BSND: variants seen among roughly 807,000 people sequenced by gnomAD.
The protein encoded by BSND is barttin CLCNK type accessory subunit beta.
Under a neutral mutation model 18.8 loss-of-function variants are expected in BSND, and 13 were observed. The observed-to-expected ratio is 0.69, with a 90% CI of 0.45 to 1.10. The LOEUF (loss-of-function observed/expected upper bound fraction) is 1.10, where lower values mean the gene tolerates loss of function less well. Ranked by LOEUF, BSND falls within the 50% of genes least tolerant of loss-of-function variation. BSND has a pLI of 0.00. For missense variants in BSND, 379 were observed against 416.7 expected, an observed-to-expected ratio of 0.91 and a Z score of 0.79; for synonymous variants, 170 against 161.8, an observed-to-expected ratio of 1.05 and a Z score of -0.39.
intron 1 of BSND, among the ~76,000 whole-genome samples, chr1:55,001,177 C>T (rs1311064630): frequency 6.7e-6 from 1 of 149,790 alleles, no homozygotes; most frequent in Non-Finnish European, 1.5e-5. Context: ...CCTTGTACGG[C>T]TGATTGGGAG....
rs1644429481 is a variant in BSND, at chr1:55,012,871, G to T, written c.*4243G>T. Among the ~76,000 whole-genome samples, 1 of 152,190 alleles carries T rather than the reference G, an allele frequency of 6.6e-6. No homozygotes were observed. Among genetic ancestry groups the T allele is most frequent in the African/African-American group, 2.4e-5 (1 of 41,442 alleles). On this transcript the variant is annotated 3_prime_UTR_variant, in exon 4 of 4. Transcript: ENST00000651561. Reference sequence around the variant, plus strand: ...GGAAGCTTGGAGGAGGAGCAGGATTGCTTGTGCTGTCAGACAGGTGTCAAA... The same window carrying T: ...GGAAGCTTGGAGGAGGAGCAGGATTTCTTGTGCTGTCAGACAGGTGTCAAA...
chr1:55,005,137 G>A, intron 2 of BSND, 21 bp downstream of exon 2: 1 of 1,611,420 alleles, frequency 6.2e-7, no homozygotes, highest in Non-Finnish European at 8.5e-7. Flanking sequence ...GGCCCTCTCG[G>A]GAGGGGAGGA....
rs1644346908 is a variant in BSND at position 54,999,047 on chromosome 1, G to C, written c.-140G>C. ...CAGGGACTGGAGCGGGATTGAAAGG[G>C]ATCTTGCTCTCCCTTGAAGCCTTGA... On this transcript the variant is annotated 5_prime_UTR_variant, in exon 1 of 4. Transcript: ENST00000651561. 3 of 1,037,704 alleles carry C rather than the reference G, an allele frequency of 2.9e-6. No homozygotes were observed. The highest frequency in any genetic ancestry group is 4.3e-6 in the Non-Finnish European group (3 of 704,828). The allele number at this position is 1,037,704 out of a possible 1,614,324, so 64.3% of individuals were successfully genotyped here. A position where few individuals can be genotyped will look rare whatever the true frequency, so the allele number is the denominator to read the frequency against.
rs1328882190 is a variant in BSND at position 54,999,197 on chromosome 1, A to C, written c.11A>C (p.Glu4Ala). The change falls in exon 1 of 4, where the codon GAG (glutamate) becomes GCG (alanine). Residue 4 changes from glutamate (E) to alanine (A), a missense_variant. Coordinates refer to ENST00000651561, the MANE Select transcript of BSND (RefSeq NM_057176.3). Reference sequence around the variant, plus strand: ...ACTGGCCAGGCAGCCATGGCTGACGAGAAGACCTTCCGGATCGGCTTCATT... The same window carrying C: ...ACTGGCCAGGCAGCCATGGCTGACGCGAAGACCTTCCGGATCGGCTTCATT... MADEKTFRIGFIVL... is the reference protein window; with the variant it reads MADAKTFRIGFIVL... 1 of 1,614,102 alleles carries C rather than the reference A, an allele frequency of 6.2e-7. No individual in the cohort carries two copies.
chr1:55,008,666 G>A lies in BSND; in HGVS notation c.*38G>A, dbSNP rs760505288. 10 of 1,613,666 alleles carry A rather than the reference G, an allele frequency of 6.2e-6. No individual in the cohort carries two copies. The East Asian group carries it at 2.0e-4, about 32-fold the overall frequency. ...CCGTAGCTTCTAGTCTGGAACTGCT[G>A]CTGACCCCTGTGTGACATCACAGGG... On this transcript the variant is annotated 3_prime_UTR_variant, in exon 4 of 4. Transcript: ENST00000651561.
In BSND at chr1:54,999,071, G is replaced by A. The variant is rs558960277; in HGVS notation, c.-116G>A. The A allele has an allele frequency of 9.5e-5, 124 of 1,303,384 alleles. No individual in the cohort carries two copies. The highest frequency in any genetic ancestry group is 2.1e-4 in the East Asian group (9 of 42,856). 80.7% of individuals were successfully genotyped at this position (1,303,384 alleles called of 1,614,324 possible). ...GGATCTTGCTCTCCCTTGAAGCCTT[G>A]AGTTGCAGCGATTTCAGTGTCTTCT... On this transcript the variant is annotated 5_prime_UTR_variant, in exon 1 of 4. Transcript: ENST00000651561.
At chr1:55,007,344 G>C in intron 3 of BSND, 72 bp downstream of exon 3, 1 of 1,081,454 alleles carries the variant, frequency 9.2e-7, no homozygotes. Flanking sequence ...GTGGGGGACC[G>C]CCGAGGGGTG....
At chr1:55,007,985 C>T (rs564677385) in intron 3 of BSND, among the ~76,000 whole-genome samples, 14 of 152,228 alleles carry the variant, frequency 9.2e-5, no homozygotes, top group Admixed American at 5.9e-4. Context: ...AGTAATAGCC[C>T]TATTTCATGA....
intron 2 of BSND, among the ~76,000 whole-genome samples, chr1:55,006,700 C>T (rs1356102455): frequency 3.9e-5 from 6 of 152,196 alleles, no homozygotes. Flanking sequence ...CCGGCAAACT[C>T]AATGTTAACG....
At chr1:55,005,348 CAG>C (rs1385478186) in intron 2 of BSND, among the ~76,000 whole-genome samples, 1 of 152,182 alleles carries the variant, frequency 6.6e-6, no homozygotes, top group African/African-American at 2.4e-5. Flanking sequence ...AGGGACGAGA[CAG>C]TGTTTCGGTG....
At chr1:55,002,904 T>TGATGATGATAGTGATGATG (rs1557483536) in intron 1 of BSND, among the ~76,000 whole-genome samples, 53 of 4,828 alleles carry the variant, frequency 0.011, no homozygotes, top group Middle Eastern at 0.042. Context: ...TGGTGATGAT[T>TGATGATGATAGTGATGATG]ATGGTGATTA....
At chr1:55,003,141 A>G (rs1456637296) in intron 1 of BSND, among the ~76,000 whole-genome samples, 1 of 48,852 alleles carries the variant, frequency 2.0e-5, no homozygotes, top group Non-Finnish European at 5.0e-5. Context: ...AGCTTCTAGG[A>G]AGTACAGTAC....
In BSND at chr1:55,008,683, A is replaced by G. The variant is rs1488991676; in HGVS notation, c.*55A>G. ...GAACTGCTGCTGACCCCTGTGTGAC[A>G]TCACAGGGCCTCAGTTTCCCTATCT... On this transcript the variant is annotated 3_prime_UTR_variant, in exon 4 of 4. Coordinates refer to ENST00000651561, the MANE Select transcript of BSND (RefSeq NM_057176.3). The G allele has an allele frequency of 1.2e-6, 2 of 1,611,684 alleles. No homozygotes were observed. The highest frequency in any genetic ancestry group is 1.7e-6 in the Non-Finnish European group (2 of 1,178,448).
Position 55,009,093 on chromosome 1 carries a change from C to T in BSND, c.*465C>T, listed in dbSNP as rs535674552. On this transcript the variant is annotated 3_prime_UTR_variant, in exon 4 of 4. Coordinates refer to ENST00000651561, the MANE Select transcript of BSND (RefSeq NM_057176.3). ...GCCACATTCCTCCTGCAGCTCCCAT[C>T]GCTCCTTGGCCAGGACCCAAAACCT... The T allele has an allele frequency of 8.8e-5, 20 of 226,300 alleles. No homozygotes were observed. Among genetic ancestry groups the T allele is most frequent in the South Asian group, 6.4e-4 (10 of 15,686 alleles). The allele number at this position is 226,300 out of a possible 1,614,324, so 14.0% of individuals were successfully genotyped here. A position where few individuals can be genotyped will look rare whatever the true frequency, so the allele number is the denominator to read the frequency against.
In BSND at chr1:55,017,126, T is replaced by C. The variant is rs944840402; in HGVS notation, c.*8498T>C. 2.0e-5 allele frequency among the ~76,000 whole-genome samples: 3 copies of C among 152,260 alleles called. No homozygotes were observed. The East Asian group carries it at 5.8e-4, about 29-fold the overall frequency. ...CATTATTGTGCCCTCAGTGCTTAGTTAAGTTCCTGGAACACAGTATCCTCT... is the reference window on the plus strand; with the variant it reads ...CATTATTGTGCCCTCAGTGCTTAGTCAAGTTCCTGGAACACAGTATCCTCT... On this transcript the variant is annotated 3_prime_UTR_variant, in exon 4 of 4. Coordinates refer to ENST00000651561, the MANE Select transcript of BSND (RefSeq NM_057176.3).
rs985425475 is a variant in BSND, at chr1:55,008,737, G to A, written c.*109G>A. 3 of 1,479,110 alleles carry A rather than the reference G, an allele frequency of 2.0e-6. No homozygotes were observed. The highest frequency in any genetic ancestry group is 1.9e-6 in the Non-Finnish European group (2 of 1,064,730). The allele number at this position is 1,479,110 out of a possible 1,614,324, so 91.6% of individuals were successfully genotyped here. A position where few individuals can be genotyped will look rare whatever the true frequency, so the allele number is the denominator to read the frequency against. ...AAATGGGATGATATGGAGGTTCAAT[G>A]AGATGGTGGCATTTTGAGAATGGTA... On this transcript the variant is annotated 3_prime_UTR_variant, in exon 4 of 4. Coordinates refer to ENST00000651561, the MANE Select transcript of BSND (RefSeq NM_057176.3).
intron 1 of BSND, among the ~76,000 whole-genome samples, chr1:55,002,471 A>G (rs187378310): frequency 1.3e-3 from 197 of 152,314 alleles, no homozygotes; most frequent in African/African-American, 4.5e-3. Context: ...CAGGGTCCTG[A>G]CTGGTGGCCT....
In BSND at chr1:55,012,973, T is replaced by C. The variant is rs1644429938; in HGVS notation, c.*4345T>C. On this transcript the variant is annotated 3_prime_UTR_variant, in exon 4 of 4. Transcript: ENST00000651561. ...TTGAATTTAATTTTTCCATCTGCCCTGAGAGATGGGTATTACCAGGGGAGA... is the reference window on the plus strand; with the variant it reads ...TTGAATTTAATTTTTCCATCTGCCCCGAGAGATGGGTATTACCAGGGGAGA... Among the ~76,000 whole-genome samples, 1 of 152,148 alleles carries C rather than the reference T, an allele frequency of 6.6e-6. No homozygotes were observed. Among genetic ancestry groups the C allele is most frequent in the Non-Finnish European group, 1.5e-5 (1 of 68,028 alleles).
At position 55,005,116 on chromosome 1, in the gene BSND, G is replaced by A. The variant is rs768281908; in HGVS notation, c.272G>A (p.Ser91Asn). The change falls in exon 2 of 4, where the codon AGC becomes AAC. Residue 91 changes from serine to asparagine, a missense_variant and splice_region_variant. By Grantham distance (46) the Ser-to-Asn change is conservative (BLOSUM62 1). Transcript: ENST00000651561. ...AATGGGCTTGCTGCCGAGATGAAGA[G>A]GTAGGTGCCAGGCCCTCTCGGGAGG... ...LENGLAAEMK[S>N]PSPQPPYVRL... 1.9e-6 allele frequency: 3 copies of A among 1,614,006 alleles called. No individual in the cohort carries two copies. The highest frequency in any genetic ancestry group is 2.5e-6 in the Non-Finnish European group (3 of 1,180,024).
Sources: gnomAD v4.1 joint callset for allele counts (sites outside exome capture counted in the v4.1 genomes callset) on GRCh38, gnomAD v4.1.1 for gene constraint, MANE v1.5 for transcripts, NCBI Gene and HGNC (gene_info 2026-07-23, HGNC 2026-07-21) for gene names.